The following CASP4 variants were observed in gnomAD, a reference collection of about 807,000 sequenced individuals.
CASP4 encodes the protein caspase-4.
A neutral mutation model predicts 41.3 loss-of-function variants in CASP4; 29 were observed. The observed-to-expected ratio is 0.70, with a 90% CI of 0.52 to 0.96. CASP4 has a LOEUF of 0.96. Ranked by LOEUF, CASP4 falls within the 40% of genes least tolerant of loss-of-function variation. The pLI is 0.00. For missense variants in CASP4, 447 were observed against 460.6 expected, an observed-to-expected ratio of 0.97 and a Z score of 0.27; for synonymous variants, 185 against 158.4, an observed-to-expected ratio of 1.17 and a Z score of -1.26.
chr11:104,952,085 A>G, intron 2 of CASP4, 80 bp from the exon 3 acceptor site: 1 of 822,164 alleles, frequency 1.2e-6, no homozygotes, highest in Non-Finnish European at 2.1e-6. Context: ...GAGAGAGAAG[A>G]CGTCCTGGGA....
At chr11:104,963,061 C>T (rs1455305796) in intron 1 of CASP4, among the ~76,000 whole-genome samples, 2 of 152,160 alleles carry the variant, frequency 1.3e-5, no homozygotes, top group East Asian at 1.9e-4. Context: ...AAATGTTGGC[C>T]GCATGGCTAA....
At chr11:104,950,715 G>A (rs1383685084) in intron 4 of CASP4, among the ~76,000 whole-genome samples, 2 of 151,712 alleles carry the variant, frequency 1.3e-5, no homozygotes, top group Non-Finnish European at 2.9e-5. Flanking sequence ...TGTCAATCAT[G>A]TTTAGTCTAG....
intron 1 of CASP4, among the ~76,000 whole-genome samples, chr11:104,961,589 G>A (rs1860861059): frequency 6.6e-6 from 1 of 152,152 alleles, no homozygotes; most frequent in Non-Finnish European, 1.5e-5. Context: ...GGTCTTGGTT[G>A]GCTCTAACTA....
intron 1 of CASP4, among the ~76,000 whole-genome samples, chr11:104,955,482 A>T (rs1480782056): frequency 6.6e-6 from 1 of 151,986 alleles, no homozygotes; most frequent in Non-Finnish European, 1.5e-5. Context: ...ATATCTTTGA[A>T]TTTGCATTTT....
chr11:104,948,340 T>A, intron 6 of CASP4, 193 bp downstream of exon 6: 1 of 416,110 alleles, frequency 2.4e-6, no homozygotes, highest in East Asian at 3.6e-5. Context: ...AAATGGTGAG[T>A]GGTGAATGGG....
chr11:104,961,876 GC>G, intron 1 of CASP4, among the ~76,000 whole-genome samples: 1 of 152,108 alleles, frequency 6.6e-6, no homozygotes, highest in Non-Finnish European at 1.5e-5. Context: ...AGTTCAATAG[GC>G]CTGTCTCATG....
intron 8 of CASP4, chr11:104,944,368 CTGTGTG>C (rs199937164): frequency 0.023 from 3,218 of 141,408 alleles, 42 homozygotes; most frequent in Non-Finnish European, 0.032. Context: ...CTCTCTCTCT[CTGTGTG>C]TGTGTGTGTG....
At chr11:104,964,493 A>G (rs941884672) in intron 1 of CASP4, among the ~76,000 whole-genome samples, 6 of 152,222 alleles carry the variant, frequency 3.9e-5, no homozygotes, top group Admixed American at 6.5e-5. Context: ...TTCTCAATTT[A>G]TGGCAGCATG....
intron 7 of CASP4, 187 bp downstream of exon 7, chr11:104,946,896 T>C: frequency 4.1e-6 from 2 of 488,912 alleles, no homozygotes; most frequent in Non-Finnish European, 7.4e-6. Context: ...TTATTTTACT[T>C]TGATCTTCTG....
At chr11:104,958,335 TAA>T (rs1281713695) in intron 1 of CASP4, among the ~76,000 whole-genome samples, 2 of 151,928 alleles carry the variant, frequency 1.3e-5, no homozygotes, top group African/African-American at 4.8e-5. Flanking sequence ...ATCAAAAGAT[TAA>T]AGAGATAATC....
chr11:104,960,904 TTATTTACTGAA>T lies in CASP4; in HGVS notation c.8-5914_8-5904del, dbSNP rs1275012584. ...CTATTTTTGGCATTCTTTTTACTAGTTATTTACTGAATATTTACTAATTATTTACTGAATCA... is the reference window on the plus strand; with the variant it reads ...CTATTTTTGGCATTCTTTTTACTAGTTATTTACTAATTATTTACTGAATCA... On this transcript the variant is annotated intron_variant, in intron 1 of 8. Coordinates refer to ENST00000444739, the MANE Select transcript of CASP4 (RefSeq NM_001225.4). Among the ~76,000 whole-genome samples, 75 of 152,350 alleles carry T rather than the reference TTATTTACTGAA, an allele frequency of 4.9e-4. 1 individual carries two copies. Among genetic ancestry groups the T allele is most frequent in the African/African-American group, 1.7e-3 (69 of 41,582 alleles).
At position 104,954,791 on chromosome 11, in the gene CASP4, A is replaced by G; in HGVS notation, c.218T>C (p.Leu73Pro). The part of the protein sequence containing the change: ...EKQRMAGQML[L>P]QTFFNIDQIS... ...TTGGTCTATGTTAAAAAAGGTTTGA[A>G]GAAGCATTTGTCCTGCCATACGTTG... Residue 73 changes from leucine (L) to proline (P), a missense_variant, in exon 2 of 9, where the codon CTT (leucine) becomes CCT (proline). By Grantham distance (98) the Leu-to-Pro change is moderately conservative (BLOSUM62 -3). Coordinates refer to ENST00000444739, the MANE Select transcript of CASP4 (RefSeq NM_001225.4). The G allele has an allele frequency of 3.1e-6, 5 of 1,613,692 alleles. No individual in the cohort carries two copies. In the East Asian group the frequency reaches 6.7e-5, roughly 22 times the overall value.
chr11:104,948,532 C>A lies in CASP4; in HGVS notation c.925+1G>T, dbSNP rs144482787. On this transcript the variant is annotated splice_donor_variant, in intron 6 of 8. Coordinates refer to ENST00000444739, the MANE Select transcript of CASP4 (RefSeq NM_001225.4). LOFTEE classifies it high-confidence loss of function. ...CCTTACTGCCACTGAAAGATACATA[C>A]GTGGCGTTGAAGAGCAGAAAGCAAT... is the stretch of plus-strand genomic sequence containing the variant. 6.3e-7 allele frequency: 1 copy of A among 1,598,854 alleles called. No individual in the cohort carries two copies. Among genetic ancestry groups the A allele is most frequent in the Non-Finnish European group, 8.5e-7 (1 of 1,170,708 alleles).
chr11:104,952,948 C>T (rs1381973637), intron 2 of CASP4, among the ~76,000 whole-genome samples: 1 of 152,186 alleles, frequency 6.6e-6, no homozygotes, highest in East Asian at 1.9e-4. Flanking sequence ...TGGATATTCC[C>T]TGGTCAGAGG....
chr11:104,964,558 G>T (rs1159005323), intron 1 of CASP4, among the ~76,000 whole-genome samples: 2 of 152,144 alleles, frequency 1.3e-5, no homozygotes, highest in Non-Finnish European at 2.9e-5. Flanking sequence ...TGACACAATT[G>T]GAGAAATTGG....
At position 104,948,554 on chromosome 11, in the gene CASP4, C is replaced by A; in HGVS notation, c.904G>T (p.Ala302Ser). 1 of 1,608,560 alleles carries A rather than the reference C, an allele frequency of 6.2e-7. No individual in the cohort carries two copies. The highest frequency in any genetic ancestry group is 8.5e-7 in the Non-Finnish European group (1 of 1,176,674). Residue 302 changes from alanine (A) to serine (S), a missense_variant, in exon 6 of 9, where the codon GCT (alanine) becomes TCT (serine). Ala to Ser is a moderately conservative substitution (Grantham distance 99, BLOSUM62 1). Coordinates refer to ENST00000444739, the MANE Select transcript of CASP4 (RefSeq NM_001225.4). The stretch of plus-strand genomic sequence containing the variant: ...ATACGTGGCGTTGAAGAGCAGAAAG[C>A]AATGAAGTCCTTCTCCACGTGGGTC... ...YKTHVEKDFIAFCSSTPHNVS... is the reference protein window; with the variant it reads ...YKTHVEKDFISFCSSTPHNVS...
intron 8 of CASP4, chr11:104,944,344 GTCTCTCTC>G (rs71037288): frequency 7.1e-6 from 1 of 141,382 alleles, no homozygotes; most frequent in Non-Finnish European, 1.5e-5. Context: ...GCTACTTAGT[GTCTCTCTC>G]TCTCTCTCTC....
intron 4 of CASP4, among the ~76,000 whole-genome samples, chr11:104,950,342 C>A (rs950872439): frequency 2.0e-4 from 31 of 152,130 alleles, no homozygotes; most frequent in African/African-American, 7.0e-4. Context: ...AAAAACGTTG[C>A]TCCCCACCCT....
chr11:104,945,833 ATTTCACTACTTTTCTTTCTT>A (rs990454297), intron 7 of CASP4, among the ~76,000 whole-genome samples: 4 of 151,100 alleles, frequency 2.6e-5, no homozygotes, highest in African/African-American at 4.9e-5. Flanking sequence ...CCTTCTTCTT[ATTTCACTACTTTTCTTTCTT>A]TTTCTTTTTT....
Sources: allele counts gnomAD v4.1 joint callset (sites outside exome capture counted in the v4.1 genomes callset), GRCh38; gene constraint gnomAD v4.1.1; transcripts MANE v1.5; gene names NCBI Gene and HGNC (gene_info 2026-07-23, HGNC 2026-07-21).